The following KCNAB2 variants were observed in gnomAD, a reference collection of about 807,000 sequenced individuals.
The protein encoded by KCNAB2 is voltage-gated potassium channel subunit beta-2.
A neutral mutation model predicts 63.6 loss-of-function variants in KCNAB2; 29 were observed. That is an observed-to-expected ratio of 0.46 (90% confidence interval 0.34 to 0.62). The LOEUF (loss-of-function observed/expected upper bound fraction) is 0.62. Ranked by LOEUF, KCNAB2 falls within the 20% of genes least tolerant of loss-of-function variation. The pLI, the probability that KCNAB2 is intolerant of heterozygous loss-of-function variation, is 0.01. For synonymous variants in KCNAB2, 222 were observed against 224.2 expected, an observed-to-expected ratio of 0.99 and a Z score of 0.09; for missense variants, 359 against 563.9, an observed-to-expected ratio of 0.64 and a Z score of 3.68.
chr1:6,073,051 C>T lies in KCNAB2; in HGVS notation c.262+253C>T, dbSNP rs956883496. On this transcript the variant is annotated intron_variant, in intron 3 of 15. Transcript: ENST00000378083. This position sits in a 1 kb window ranked among gnomAD's most constrained non-coding sequence, Gnocchi z 5.7. ...GGAGGTGAGGCGGATACTAGGGGCCCCTCCACACATGGTCCCCACCCCACA... is the reference window on the plus strand; with the variant it reads ...GGAGGTGAGGCGGATACTAGGGGCCTCTCCACACATGGTCCCCACCCCACA... Among the ~76,000 whole-genome samples the T allele has an allele frequency of 2.6e-5, 4 of 152,112 alleles. No homozygotes were observed. Among genetic ancestry groups the T allele is most frequent in the African/African-American group, 9.7e-5 (4 of 41,414 alleles).
chr1:6,014,123 A>G (rs1401900220), intron 1 of KCNAB2, among the ~76,000 whole-genome samples: 2 of 152,268 alleles, frequency 1.3e-5, no homozygotes, highest in African/African-American at 2.4e-5. Context: ...CCGAGGCCTC[A>G]TTCAGACTGC....
rs1321100920 is a variant in KCNAB2 at position 6,028,149 on chromosome 1, C to T, written c.-52-12368C>T. ...TGCACTCAGAGTCAGCACCTGCCTT[C>T]GTTGCAGCATTGACCCTCTGCCATC... is the stretch of plus-strand genomic sequence containing the variant. On this transcript the variant is annotated intron_variant, in intron 1 of 16. Transcript: ENST00000341524. This position sits in a 1 kb window ranked among gnomAD's most constrained non-coding sequence, Gnocchi z 4.0. Among the ~76,000 whole-genome samples, 14 of 152,220 alleles carry T rather than the reference C, an allele frequency of 9.2e-5. No homozygotes were observed. The highest frequency in any genetic ancestry group is 1.5e-4 in the Non-Finnish European group (10 of 68,038).
intron 1 of KCNAB2, among the ~76,000 whole-genome samples, chr1:6,039,421 G>A (rs886285209): frequency 3.3e-5 from 5 of 152,212 alleles, no homozygotes; most frequent in African/African-American, 7.2e-5. Flanking sequence ...GAGCCACTGG[G>A]AGGGGACCCA....
At chr1:6,089,087 C>A (rs1324505855) in intron 8 of KCNAB2, 36 bp downstream of exon 8, 2 of 1,543,202 alleles carry the variant, frequency 1.3e-6, no homozygotes, top group Non-Finnish European at 1.8e-6. Context: ...GGCCCCCATA[C>A]CTGTGGGATC....
chr1:6,054,390 G>A (rs926409335), intron 2 of KCNAB2, among the ~76,000 whole-genome samples: 1 of 152,228 alleles, frequency 6.6e-6, no homozygotes, highest in African/African-American at 2.4e-5. Flanking sequence ...AACAGTTTGG[G>A]AGGCCAAGAC....
At chr1:6,002,829 T>C (rs1377043352) in intron 1 of KCNAB2, among the ~76,000 whole-genome samples, 1 of 152,132 alleles carries the variant, frequency 6.6e-6, no homozygotes, top group Non-Finnish European at 1.5e-5. Flanking sequence ...TTCACCCGAC[T>C]CTGGACGACG....
chr1:6,014,628 A>T (rs1658378941), intron 1 of KCNAB2, among the ~76,000 whole-genome samples: 1 of 152,162 alleles, frequency 6.6e-6, no homozygotes, highest in African/African-American at 2.4e-5. Flanking sequence ...GGCTGCGAGG[A>T]TGCCTTGATG....
rs773015852 is a variant in KCNAB2 at position 6,090,420 on chromosome 1, G to T, written c.546G>T (p.Leu182=). ...GLKASLERLQ[L]EYVDVVFANR... Reference sequence around the variant, plus strand: ...AAGCTTCCCTGGAGCGACTGCAGCTGGAGTACGTGGATGTGGTGTTTGCCA... The same window carrying T: ...AAGCTTCCCTGGAGCGACTGCAGCTTGAGTACGTGGATGTGGTGTTTGCCA... Residue 182 remains leucine (L), a synonymous_variant, in exon 9 of 16, where the codon CTG becomes CTT. Transcript: ENST00000378083. The T allele has an allele frequency of 6.2e-7, 1 of 1,613,954 alleles. No individual in the cohort carries two copies. Among genetic ancestry groups the T allele is most frequent in the Middle Eastern group, 1.7e-4 (1 of 6,058 alleles).
chr1:6,091,772 G>A (rs1665208053), intron 10 of KCNAB2, among the ~76,000 whole-genome samples: 1 of 152,140 alleles, frequency 6.6e-6, no homozygotes, highest in South Asian at 2.1e-4. Context: ...TGTCTCTCCT[G>A]GAGGCAGAGA....
At chr1:6,002,703 C>T (rs1311211839) in intron 1 of KCNAB2, among the ~76,000 whole-genome samples, 1 of 152,190 alleles carries the variant, frequency 6.6e-6, no homozygotes, top group East Asian at 1.9e-4. Flanking sequence ...GCCAAGGTCC[C>T]TTGAGTGGAT....
chr1:6,087,517 T>A lies in KCNAB2; in HGVS notation c.470+6T>A. 6.2e-7 allele frequency: 1 copy of A among 1,613,892 alleles called. No individual in the cohort carries two copies. The highest frequency in any genetic ancestry group is 2.2e-5 in the East Asian group (1 of 44,856). On this transcript the variant is annotated splice_donor_region_variant and intron_variant, in intron 7 of 15. Transcript: ENST00000378083. The surrounding 1 kb of genome is among the most constrained non-coding windows in gnomAD (Gnocchi z 6.4). ...AAGATCTTCTGGGGCGGAAAGTAGG[T>A]GCAACAGCTGGCGATGCTTCCAGCC... is the stretch of plus-strand genomic sequence containing the variant.
chr1:6,065,090 A>G (rs1435698311), intron 2 of KCNAB2, among the ~76,000 whole-genome samples: 2 of 152,160 alleles, frequency 1.3e-5, no homozygotes, highest in African/African-American at 2.4e-5. Flanking sequence ...CCATGTGCCA[A>G]TCCCCCAGCG....
At chr1:6,084,634 A>G (rs3789533) in intron 5 of KCNAB2, among the ~76,000 whole-genome samples, 89,070 of 151,900 alleles carry the variant, frequency 0.59, 27,853 homozygotes, top group African/African-American at 0.79. Flanking sequence ...TGGCCAACAT[A>G]GTGAAACCCC....
chr1:6,042,012 A>G (rs1374720701), upstream of KCNAB2: 1 of 720,892 alleles, frequency 1.4e-6, no homozygotes, highest in Non-Finnish European at 2.5e-6. Context: ...TCTGCTCATC[A>G]CCCTCTGTGC....
rs542866246 is a variant in KCNAB2, at chr1:6,021,470, G to A, written c.-52-19047G>A. Among the ~76,000 whole-genome samples the A allele has an allele frequency of 3.3e-5, 5 of 152,288 alleles. No homozygotes were observed. The South Asian group carries it at 1.0e-3, about 32-fold the overall frequency. ...TGTGCCATCTTAACCACTTTTAAGTGTACAGTTTAGTGGTATTAAGTATAA... is the reference window on the plus strand; with the variant it reads ...TGTGCCATCTTAACCACTTTTAAGTATACAGTTTAGTGGTATTAAGTATAA... On this transcript the variant is annotated intron_variant, in intron 1 of 16. Coordinates refer to the KCNAB2 transcript ENST00000341524.
At chr1:6,000,716 C>A (rs72859196) in intron 1 of KCNAB2, among the ~76,000 whole-genome samples, 1 of 151,726 alleles carries the variant, frequency 6.6e-6, no homozygotes, top group African/African-American at 2.4e-5. Flanking sequence ...TTACATGAAG[C>A]CTATAGGCCG....
rs1226487616 is a variant in KCNAB2 at position 6,096,108 on chromosome 1, A to G, written c.948+484A>G. ...TCTGGAGAACAAGGAGCAGGCCAAG[A>G]AAGTCTGCCCAGCCAGCAGTCTCAG... On this transcript the variant is annotated intron_variant, in intron 13 of 15. Transcript: ENST00000378083. This position sits in a 1 kb window ranked among gnomAD's most constrained non-coding sequence, Gnocchi z 5.9. 4.4e-6 allele frequency: 2 copies of G among 457,408 alleles called. No homozygotes were observed. The highest frequency in any genetic ancestry group is 4.0e-5 in the African/African-American group (2 of 50,062). 28.3% of individuals were successfully genotyped at this position (457,408 alleles called of 1,614,324 possible). A position where few individuals can be genotyped will look rare whatever the true frequency, so the allele number is the denominator to read the frequency against.
At chr1:6,050,181 CT>C (rs758551245) in intron 1 of KCNAB2, among the ~76,000 whole-genome samples, 7 of 152,236 alleles carry the variant, frequency 4.6e-5, no homozygotes, top group African/African-American at 7.2e-5. Context: ...AACTTTTCCT[CT>C]CTTGGGGCAG....
In KCNAB2 at chr1:6,001,296, CCACACACACA is replaced by C. The variant is rs56828069; in HGVS notation, c.-53+8534_-53+8543del. On this transcript the variant is annotated intron_variant, in intron 1 of 16. Transcript: ENST00000341524. Reference sequence around the variant, plus strand: ...GAGCTGCTCCAGCTGCATGTGATCACCACACACACACACACACACACACACACACACACAC... The same window carrying C: ...GAGCTGCTCCAGCTGCATGTGATCACCACACACACACACACACACACACAC... Among the ~76,000 whole-genome samples, 376 of 147,068 alleles carry C rather than the reference CCACACACACA, an allele frequency of 2.6e-3. 1 individual carries two copies. The highest frequency in any genetic ancestry group is 8.5e-3 in the African/African-American group (338 of 39,930).
Sources: gnomAD v4.1 joint callset for allele counts (sites outside exome capture counted in the v4.1 genomes callset) on GRCh38, gnomAD v4.1.1 for gene constraint, Gnocchi (gnomAD v3.1) non-coding constraint, MANE v1.5 for transcripts, NCBI Gene and HGNC (gene_info 2026-07-23, HGNC 2026-07-21) for gene names.